The following DPP6 variants were observed in gnomAD, a reference collection of about 807,000 sequenced individuals.
DPP6 encodes dipeptidyl peptidase like 6.
In DPP6, 69 loss-of-function variants were observed where a neutral mutation model predicts 122.6. The observed-to-expected ratio is 0.56, with a 90% CI of 0.46 to 0.69. The LOEUF (loss-of-function observed/expected upper bound fraction) is 0.69. Ranked by LOEUF, DPP6 falls within the 30% of genes least tolerant of loss-of-function variation. The probability of loss-of-function intolerance (pLI) is 0.00; values close to 1 mark genes in which losing one functional copy is unlikely to be tolerated. For synonymous variants in DPP6, 418 were observed against 433.1 expected, an observed-to-expected ratio of 0.97 and a Z score of 0.43; for missense variants, 928 against 1,116.9, an observed-to-expected ratio of 0.83 and a Z score of 2.41.
chr7:153,774,895 G>C, the DPP6 span, among the ~76,000 whole-genome samples: 2 of 152,020 alleles, frequency 1.3e-5, no homozygotes, highest in Admixed American at 6.6e-5. Context: ...TTGAGCCCAG[G>C]AGTTCAAGGC....
At chr7:154,505,930 G>A (rs1825629694) in intron 3 of DPP6, among the ~76,000 whole-genome samples, 1 of 152,106 alleles carries the variant, frequency 6.6e-6, no homozygotes, top group Non-Finnish European at 1.5e-5. Flanking sequence ...GGTATCTGTA[G>A]AAATTACCTG....
chr7:154,713,380 G>A (rs1242608225), intron 7 of DPP6, among the ~76,000 whole-genome samples: 1 of 152,218 alleles, frequency 6.6e-6, no homozygotes, highest in East Asian at 1.9e-4. Context: ...GGGACTCTGT[G>A]TGGGGGCTCT....
intron 1 of DPP6, among the ~76,000 whole-genome samples, chr7:154,104,807 A>G (rs577127155): frequency 6.6e-6 from 1 of 152,234 alleles, no homozygotes; most frequent in Non-Finnish European, 1.5e-5. Context: ...GTGTGTGCTT[A>G]CGTAACAAAC....
In DPP6 at chr7:154,600,818, G is replaced by A. The variant is rs751976661; in HGVS notation, c.627+33902G>A. 2.1e-4 allele frequency among the ~76,000 whole-genome samples: 25 copies of A among 121,548 alleles called. 6 individuals are homozygous for A. Among genetic ancestry groups the A allele is most frequent in the South Asian group, 1.0e-3 (3 of 2,962 alleles). 79.7% of individuals were successfully genotyped at this position (121,548 alleles called of 152,430 possible). On this transcript the variant is annotated intron_variant, in intron 5 of 25. Transcript: ENST00000377770. ...TACTTAAAACCACTTGCAGCCAGGC[G>A]CAGTGGCTCATGCCTGTAATCCCAG...
intron 10 of DPP6, among the ~76,000 whole-genome samples, chr7:154,781,567 A>T (rs1022911311): frequency 8.5e-5 from 13 of 152,190 alleles, no homozygotes; most frequent in Non-Finnish European, 1.8e-4. Context: ...AGATGTTTTT[A>T]TGCAACTGCA....
At chr7:153,963,823 G>A (rs1039153928) in intron 1 of DPP6, among the ~76,000 whole-genome samples, 5 of 152,216 alleles carry the variant, frequency 3.3e-5, no homozygotes, top group Admixed American at 1.3e-4. Context: ...CACAAAACCA[G>A]CCCCTGGTGC....
chr7:154,240,191 T>A (rs1401276758), intron 1 of DPP6, among the ~76,000 whole-genome samples: 1 of 152,146 alleles, frequency 6.6e-6, no homozygotes, highest in Non-Finnish European at 1.5e-5. Context: ...GGATCAACTC[T>A]TCGTTATTTT....
At chr7:154,204,601 G>C (rs1037532385) in intron 1 of DPP6, among the ~76,000 whole-genome samples, 1 of 152,128 alleles carries the variant, frequency 6.6e-6, no homozygotes, top group Non-Finnish European at 1.5e-5. Context: ...TCAGACCTGC[G>C]AGCCCCATTT....
chr7:153,880,640 C>T, the DPP6 span, among the ~76,000 whole-genome samples: 1 of 152,196 alleles, frequency 6.6e-6, no homozygotes, highest in East Asian at 1.9e-4. Flanking sequence ...CTCTGTTCCT[C>T]CTCTTGGAAA....
intron 1 of DPP6, among the ~76,000 whole-genome samples, chr7:154,355,982 AT>A (rs1225413934): frequency 3.3e-5 from 5 of 152,098 alleles, no homozygotes; most frequent in Non-Finnish European, 5.9e-5. Flanking sequence ...GTACTCCTCC[AT>A]TTGTTTAGAT....
chr7:154,615,101 G>C (rs1834153865), intron 5 of DPP6, among the ~76,000 whole-genome samples: 1 of 152,152 alleles, frequency 6.6e-6, no homozygotes, highest in Non-Finnish European at 1.5e-5. Flanking sequence ...GGAGAGTTTT[G>C]CAGGGAGGCA....
chr7:153,908,999 G>A (rs1035934465), intron 1 of DPP6, among the ~76,000 whole-genome samples: 3 of 152,078 alleles, frequency 2.0e-5, no homozygotes, highest in African/African-American at 4.8e-5. Context: ...TGATCTGCCC[G>A]CCTCAGCCTT....
intron 1 of DPP6, among the ~76,000 whole-genome samples, chr7:154,107,896 C>A (rs901993844): frequency 6.6e-6 from 1 of 152,138 alleles, no homozygotes; most frequent in Non-Finnish European, 1.5e-5. Context: ...AGGGGCCCTT[C>A]ACAAAACTGG....
At chr7:154,359,953 A>G (rs1811591121) in intron 1 of DPP6, among the ~76,000 whole-genome samples, 1 of 152,218 alleles carries the variant, frequency 6.6e-6, no homozygotes, top group Non-Finnish European at 1.5e-5. Flanking sequence ...CTCCTTGGGC[A>G]GGCAGAAATG....
chr7:154,816,998 C>G (rs1304414853), intron 16 of DPP6, among the ~76,000 whole-genome samples: 2 of 152,222 alleles, frequency 1.3e-5, no homozygotes, highest in African/African-American at 4.8e-5. Flanking sequence ...TTAGCACCTG[C>G]CCGTTCCTTC....
intron 7 of DPP6, among the ~76,000 whole-genome samples, chr7:154,715,010 A>G (rs1439260349): frequency 6.6e-6 from 1 of 151,940 alleles, no homozygotes; most frequent in Non-Finnish European, 1.5e-5. Context: ...TGGTAGGCTC[A>G]GAAGAAGAAG....
At chr7:154,260,742 AATAT>A (rs983919548) in intron 1 of DPP6, among the ~76,000 whole-genome samples, 9 of 147,810 alleles carry the variant, frequency 6.1e-5, no homozygotes, top group Non-Finnish European at 1.2e-4. Flanking sequence ...ATATATGTAT[AATAT>A]ATATATTATA....
chr7:154,427,024 T>G (rs1817974921), intron 1 of DPP6, among the ~76,000 whole-genome samples: 1 of 152,158 alleles, frequency 6.6e-6, no homozygotes, highest in Admixed American at 6.5e-5. Flanking sequence ...GGTTTTTCTT[T>G]TAATCAGAAA....
chr7:154,855,629 G>A (rs11982470), intron 17 of DPP6, among the ~76,000 whole-genome samples: 2,602 of 152,316 alleles, frequency 0.017, 70 homozygotes, highest in African/African-American at 0.059. Context: ...ACTCTAAGGG[G>A]CACGAGGCTG....
Sources: allele counts gnomAD v4.1 joint callset (sites outside exome capture counted in the v4.1 genomes callset), GRCh38; gene constraint gnomAD v4.1.1; transcripts MANE v1.5; gene names NCBI Gene and HGNC (gene_info 2026-07-23, HGNC 2026-07-21).